Variants in CYP4F2 observed in about 807,000 individuals in gnomAD.
CYP4F2 encodes the protein cytochrome P450 4F2.
In CYP4F2, 58 loss-of-function variants were observed where a neutral mutation model predicts 58.9. The observed-to-expected ratio is 0.98, with a 90% CI of 0.80 to 1.23. CYP4F2 has a LOEUF of 1.23. Among genes scored for constraint, CYP4F2 ranks in the 50% most tolerant of loss-of-function variants. CYP4F2 has a pLI of 0.00. For missense variants in CYP4F2, 616 were observed against 685.6 expected, an observed-to-expected ratio of 0.90 and a Z score of 1.13; for synonymous variants, 287 against 261.1, an observed-to-expected ratio of 1.10 and a Z score of -0.95.
intron 9 of CYP4F2, among the ~76,000 whole-genome samples, chr19:15,884,958 T>C (rs998674429): frequency 6.6e-6 from 1 of 152,052 alleles, no homozygotes; most frequent in Non-Finnish European, 1.5e-5. Context: ...GGGCTAAAAC[T>C]GAAGCCATTA....
intron 1 of CYP4F2, 136 bp downstream of exon 1, chr19:15,897,890 C>T: frequency 2.7e-6 from 1 of 372,604 alleles, no homozygotes; most frequent in Non-Finnish European, 4.9e-6. Context: ...TGTGAGGTTG[C>T]CAGGGGCTTG....
rs1412248052 is a variant in CYP4F2, at chr19:15,897,913, C to T, written c.-2+113G>A. ...TGCCAGGGGCTTGGTTTCAGTTACT[C>T]GGAAACCACCCATCCTCCAGGCCAG... On this transcript the variant is annotated intron_variant, in intron 1 of 12. Transcript: ENST00000221700. The T allele has an allele frequency of 3.3e-5, 11 of 334,176 alleles. No individual in the cohort carries two copies. The East Asian group carries it at 3.7e-4, about 11-fold the overall frequency. The allele number at this position is 334,176 out of a possible 1,614,324, so 20.7% of individuals were successfully genotyped here. A position where few individuals can be genotyped will look rare whatever the true frequency, so the allele number is the denominator to read the frequency against.
At chr19:15,896,073 C>T (rs763609755) in intron 2 of CYP4F2, among the ~76,000 whole-genome samples, 2 of 133,204 alleles carry the variant, frequency 1.5e-5, no homozygotes, top group South Asian at 4.4e-4. Flanking sequence ...TCTATCTATC[C>T]ATCCATCCAT....
At chr19:15,886,179 C>A in intron 8 of CYP4F2, 63 bp downstream of exon 8, 5 of 1,611,854 alleles carry the variant, frequency 3.1e-6, no homozygotes, top group Non-Finnish European at 4.2e-6. Context: ...GGGGGTCTAC[C>A]CACCCTGTTC....
intron 5 of CYP4F2, among the ~76,000 whole-genome samples, chr19:15,891,818 C>G (rs1034545407): frequency 6.6e-6 from 1 of 152,114 alleles, no homozygotes; most frequent in African/African-American, 2.4e-5. Flanking sequence ...CATGTCCCAG[C>G]CAAAACCCAA....
chr19:15,893,369 ACAAGAAC>A (rs900054774), intron 3 of CYP4F2, among the ~76,000 whole-genome samples: 30 of 152,296 alleles, frequency 2.0e-4, no homozygotes, highest in African/African-American at 7.0e-4. Flanking sequence ...AGCACCTGAG[ACAAGAAC>A]CAAACAGGCC....
chr19:15,892,409 T>C lies in CYP4F2; in HGVS notation c.425A>G (p.Asp142Gly), dbSNP rs772148375. The C allele has an allele frequency of 6.2e-7, 1 of 1,614,114 alleles. No individual in the cohort carries two copies. The highest frequency in any genetic ancestry group is 1.7e-5 in the Admixed American group (1 of 60,018). Residue 142 changes from aspartate to glycine, a missense_variant, in exon 5 of 13, where the codon GAC (aspartate) becomes GGC (glycine). Coordinates refer to ENST00000221700, the MANE Select transcript of CYP4F2 (RefSeq NM_001082.5). ...CATCCGACGGTGGCGGCTCCACTTGTCACCAGCACTCAGCAGGAGCCCATC... is the reference window on the plus strand; with the variant it reads ...CATCCGACGGTGGCGGCTCCACTTGCCACCAGCACTCAGCAGGAGCCCATC... ...LGDGLLLSAG[D>G]KWSRHRRMLT...
rs188418586 is a variant in CYP4F2, at chr19:15,895,609, C to A, written c.240G>T (p.Leu80=). ...TAAAGCCCTGGGGGTAGGTGGCCAC[C>A]AGCTGAGTCAGAACTCTCATGCCCT... The part of the protein sequence containing the change: ...TEEGMRVLTQ[L]VATYPQGFKV... Residue 80 remains leucine (L), a synonymous_variant, in exon 3 of 13, where the codon CTG becomes CTT. Coordinates refer to ENST00000221700, the MANE Select transcript of CYP4F2 (RefSeq NM_001082.5). The A allele has an allele frequency of 5.6e-5, 90 of 1,594,672 alleles. No homozygotes were observed. In the Admixed American group the frequency reaches 6.0e-4, roughly 11 times the overall value.
At position 15,879,440 on chromosome 19, in the gene CYP4F2, A is replaced by T. The variant is rs775606579; in HGVS notation, c.1315-12T>A. 1.9e-6 allele frequency: 3 copies of T among 1,613,890 alleles called. No individual in the cohort carries two copies. Among genetic ancestry groups the T allele is most frequent in the Non-Finnish European group, 2.5e-6 (3 of 1,179,972 alleles). On this transcript the variant is annotated splice_polypyrimidine_tract_variant and intron_variant, in intron 11 of 12. Transcript: ENST00000221700. ...AAGGGGTCGTAGACCTGGAGGTGAG[A>T]CCAAGAAGGGTTGTTGGGTGGGGTC...
intron 7 of CYP4F2, among the ~76,000 whole-genome samples, chr19:15,886,917 A>G (rs546060040): frequency 6.6e-6 from 1 of 152,272 alleles, no homozygotes; most frequent in East Asian, 1.9e-4. Context: ...TAGGATGCAA[A>G]CTCTGCTGCA....
chr19:15,897,635 G>A (rs560956487), intron 1 of CYP4F2, 23 bp from the exon 2 acceptor site: 25 of 1,611,446 alleles, frequency 1.6e-5, no homozygotes, highest in African/African-American at 9.4e-5. Flanking sequence ...CGGGATGGAC[G>A]GTGAGATCCT....
At chr19:15,881,374 C>T (rs2089343298) in intron 9 of CYP4F2, among the ~76,000 whole-genome samples, 1 of 151,284 alleles carries the variant, frequency 6.6e-6, no homozygotes. Flanking sequence ...ATAAAAAGGG[C>T]AAAAAGTATA....
At chr19:15,894,734 A>C (rs1052068549) in intron 3 of CYP4F2, among the ~76,000 whole-genome samples, 1 of 152,216 alleles carries the variant, frequency 6.6e-6, no homozygotes, top group Non-Finnish European at 1.5e-5. Flanking sequence ...TGGTCTCTGT[A>C]GGATGCTGCC....
intron 5 of CYP4F2, 63 bp from the exon 6 acceptor site, chr19:15,890,496 C>A: frequency 6.3e-7 from 1 of 1,594,860 alleles, no homozygotes; most frequent in East Asian, 2.3e-5. Context: ...CTCTCCAACC[C>A]CAACTGCCAA....
chr19:15,883,059 G>T (rs1182470564), intron 9 of CYP4F2, among the ~76,000 whole-genome samples: 1 of 152,036 alleles, frequency 6.6e-6, no homozygotes, highest in South Asian at 2.1e-4. Flanking sequence ...CCAGGACATG[G>T]GTCCAGGCAA....
intron 7 of CYP4F2, chr19:15,886,636 A>T: frequency 5.5e-6 from 2 of 361,000 alleles, no homozygotes; most frequent in Non-Finnish European, 5.0e-6. Flanking sequence ...CTTGGAAATT[A>T]GAGATTAAGT....
rs376406002 is a variant in CYP4F2 at position 15,888,778 on chromosome 19, T to C, written c.918+645A>G. Reference sequence around the variant, plus strand: ...ACAGACAAAGATATAGACATAGCATTGACATAGACATAGCCATAGACGAAG... The same window carrying C: ...ACAGACAAAGATATAGACATAGCATCGACATAGACATAGCCATAGACGAAG... On this transcript the variant is annotated intron_variant, in intron 7 of 12. Coordinates refer to ENST00000221700, the MANE Select transcript of CYP4F2 (RefSeq NM_001082.5). 1.2e-3 allele frequency among the ~76,000 whole-genome samples: 183 copies of C among 152,070 alleles called. 1 individual carries two copies. Among genetic ancestry groups the C allele is most frequent in the African/African-American group, 4.2e-3 (175 of 41,472 alleles).
intron 10 of CYP4F2, 25 bp downstream of exon 10, chr19:15,879,739 C>T (rs779942011): frequency 2.5e-6 from 4 of 1,613,732 alleles, no homozygotes; most frequent in African/African-American, 1.3e-5. Flanking sequence ...ACCCAGGAGA[C>T]TCCTCCCCGT....
Position 15,890,980 on chromosome 19 carries a change from A to G in CYP4F2, c.526-547T>C, listed in dbSNP as rs3093147. 2.2e-3 allele frequency among the ~76,000 whole-genome samples: 329 copies of G among 152,346 alleles called. 1 individual carries two copies. Among genetic ancestry groups the G allele is most frequent in the African/African-American group, 7.6e-3 (317 of 41,588 alleles). The stretch of plus-strand genomic sequence containing the variant: ...TGTTTCTGGCATATGGTATGTGATC[A>G]ATAAATGTTGGATTTCCCCGTCTGC... On this transcript the variant is annotated intron_variant, in intron 5 of 12. Transcript: ENST00000221700.
Sources: allele counts gnomAD v4.1 joint callset (sites outside exome capture counted in the v4.1 genomes callset), GRCh38; gene constraint gnomAD v4.1.1; transcripts MANE v1.5; gene names NCBI Gene and HGNC (gene_info 2026-07-23, HGNC 2026-07-21).